The following ATE1 variants were observed in gnomAD, a reference collection of about 807,000 sequenced individuals.
ATE1 encodes arginyl-tRNA--protein transferase 1.
Under a neutral mutation model 70.5 loss-of-function variants are expected in ATE1, and 36 were observed. The ratio of observed to expected loss-of-function variants is 0.51; its 90% CI spans 0.39 to 0.67. ATE1 has a LOEUF of 0.67. Ranked by LOEUF, ATE1 falls within the 30% of genes least tolerant of loss-of-function variation. The probability of loss-of-function intolerance (pLI) is 0.00; values close to 1 mark genes in which losing one functional copy is unlikely to be tolerated. For missense variants in ATE1, 593 were observed against 629.5 expected, an observed-to-expected ratio of 0.94 and a Z score of 0.62; for synonymous variants, 232 against 219.3, an observed-to-expected ratio of 1.06 and a Z score of -0.51.
chr10:121,867,339 T>C (rs890102167), intron 8 of ATE1, among the ~76,000 whole-genome samples: 1 of 152,152 alleles, frequency 6.6e-6, no homozygotes, highest in Non-Finnish European at 1.5e-5. Flanking sequence ...AAAGTGGACG[T>C]CAAGCTCAAG....
chr10:121,784,369 A>G (rs1946121205), intron 11 of ATE1, among the ~76,000 whole-genome samples: 2 of 152,254 alleles, frequency 1.3e-5, no homozygotes, highest in African/African-American at 4.8e-5. Context: ...AAGAAAATGC[A>G]AACAAGTAAA....
chr10:121,898,221 T>A (rs146559651), intron 7 of ATE1, among the ~76,000 whole-genome samples: 3 of 152,202 alleles, frequency 2.0e-5, no homozygotes, highest in Non-Finnish European at 4.4e-5. Context: ...CCCCAACTTA[T>A]AATGGTTGGA....
intron 10 of ATE1, among the ~76,000 whole-genome samples, chr10:121,806,943 G>T (rs558595832): frequency 6.6e-6 from 1 of 152,134 alleles, no homozygotes; most frequent in African/African-American, 2.4e-5. Flanking sequence ...CTACCAGCAT[G>T]CATTTGTGCT....
intron 6 of ATE1, 73 bp downstream of exon 6, chr10:121,902,318 A>G: frequency 7.4e-7 from 1 of 1,343,992 alleles, no homozygotes; most frequent in Non-Finnish European, 1.0e-6. Flanking sequence ...TTAGAACTTC[A>G]AATAAAAATA....
At chr10:121,920,368 T>TAA (rs560498964) in intron 3 of ATE1, among the ~76,000 whole-genome samples, 2 of 150,266 alleles carry the variant, frequency 1.3e-5, no homozygotes, top group Admixed American at 6.7e-5. Context: ...CCCTTTTCTA[T>TAA]AAAAAAAAAT....
chr10:121,793,525 G>T (rs1946536693), intron 10 of ATE1, among the ~76,000 whole-genome samples: 1 of 152,160 alleles, frequency 6.6e-6, no homozygotes, highest in Non-Finnish European at 1.5e-5. Context: ...TCCTTACCAA[G>T]ATAGTATACT....
rs1944168213 is a variant in ATE1 at position 121,742,156 on chromosome 10, T to C, written c.*1524A>G. ...TCGGTTAGCAGAGTACGCAGCACCT[T>C]GGCAGGTGTGACACACACACTCTGA... On this transcript the variant is annotated 3_prime_UTR_variant, in exon 12 of 12. Transcript: ENST00000224652. 6.6e-6 allele frequency: 1 copy of C among 152,230 alleles called. No individual in the cohort carries two copies. 9.4% of individuals were successfully genotyped at this position (152,230 alleles called of 1,614,324 possible).
chr10:121,881,124 G>A (rs953255811), intron 7 of ATE1, among the ~76,000 whole-genome samples: 30 of 152,260 alleles, frequency 2.0e-4, no homozygotes, highest in Non-Finnish European at 2.9e-5. Flanking sequence ...CATGTCACAA[G>A]TTTCAAGAAC....
intron 10 of ATE1, among the ~76,000 whole-genome samples, chr10:121,829,049 T>C (rs139025776): frequency 6.9e-6 from 1 of 145,882 alleles, no homozygotes; most frequent in Non-Finnish European, 1.5e-5. Flanking sequence ...GGCAGAACCC[T>C]CATCTACACT....
At position 121,743,768 on chromosome 10, in the gene ATE1, T is replaced by C. The variant is rs1590192034; in HGVS notation, c.1469A>G (p.Lys490Arg). 1 of 1,614,134 alleles carries C rather than the reference T, an allele frequency of 6.2e-7. No homozygotes were observed. Among genetic ancestry groups the C allele is most frequent in the Non-Finnish European group, 8.5e-7 (1 of 1,180,016 alleles). ...MPYGVYKKQQ[K>R]DPSEEAAVLQ... ...AACAGCAGCCTCCTCACTTGGGTCTTTCTGCTGTTTCTTATAAACACCGTA... is the reference window on the plus strand; with the variant it reads ...AACAGCAGCCTCCTCACTTGGGTCTCTCTGCTGTTTCTTATAAACACCGTA... The change falls in exon 12 of 12, where the codon AAA becomes AGA. Residue 490 changes from lysine to arginine, a missense_variant. By Grantham distance (26) the Lys-to-Arg change is conservative. Coordinates refer to ENST00000224652, the MANE Select transcript of ATE1 (RefSeq NM_001001976.3).
At chr10:121,806,942 T>A (rs1187475241) in intron 10 of ATE1, among the ~76,000 whole-genome samples, 2 of 152,188 alleles carry the variant, frequency 1.3e-5, no homozygotes, top group African/African-American at 4.8e-5. Flanking sequence ...CCTACCAGCA[T>A]GCATTTGTGC....
chr10:121,760,884 G>A (rs548433107), intron 11 of ATE1, among the ~76,000 whole-genome samples: 1 of 152,282 alleles, frequency 6.6e-6, no homozygotes, highest in Non-Finnish European at 1.5e-5. Flanking sequence ...CAGCCACCCT[G>A]CTATAATTCA....
Position 121,842,481 on chromosome 10 carries a change from T to G in ATE1, c.976-1218A>C, listed in dbSNP as rs775280644. ...AAAGCTAGAAGAGAATAAAAAAAAA[T>G]GAGAACAGGTTGAATAACACCAAAA... On this transcript the variant is annotated intron_variant, in intron 8 of 11. Transcript: ENST00000224652. Among the ~76,000 whole-genome samples the G allele has an allele frequency of 1.5e-3, 230 of 150,198 alleles. 1 individual carries two copies. The highest frequency in any genetic ancestry group is 1.6e-3 in the Non-Finnish European group (109 of 67,482).
intron 10 of ATE1, among the ~76,000 whole-genome samples, chr10:121,828,695 A>G (rs1238911360): frequency 6.6e-6 from 1 of 152,194 alleles, no homozygotes; most frequent in Non-Finnish European, 1.5e-5. Context: ...ATGCACAGAC[A>G]GGGATGAGAA....
intron 10 of ATE1, among the ~76,000 whole-genome samples, chr10:121,829,932 A>T (rs999738910): frequency 5.3e-5 from 8 of 152,144 alleles, no homozygotes; most frequent in Admixed American, 1.3e-4. Context: ...CCCCCACTCA[A>T]TCTCAAAAAT....
chr10:121,776,251 C>T (rs988901675), intron 11 of ATE1, among the ~76,000 whole-genome samples: 4 of 152,122 alleles, frequency 2.6e-5, no homozygotes, highest in Non-Finnish European at 4.4e-5. Flanking sequence ...TATTGTGCTA[C>T]CAAATACTAG....
At chr10:121,891,453 C>T (rs1430681981) in intron 7 of ATE1, among the ~76,000 whole-genome samples, 1 of 152,124 alleles carries the variant, frequency 6.6e-6, no homozygotes, top group Non-Finnish European at 1.5e-5. Context: ...GTACAGCTGC[C>T]TGCATTTACA....
chr10:121,747,958 T>C (rs1042542309), intron 11 of ATE1, among the ~76,000 whole-genome samples: 1 of 152,206 alleles, frequency 6.6e-6, no homozygotes, highest in East Asian at 1.9e-4. Context: ...TAAATGTGTC[T>C]AGCAGGAAAA....
intron 8 of ATE1, among the ~76,000 whole-genome samples, chr10:121,856,138 G>T (rs1465704357): frequency 6.6e-6 from 1 of 151,710 alleles, no homozygotes; most frequent in Admixed American, 6.6e-5. Flanking sequence ...GATAAATAAG[G>T]CTAGTTTAAA....
Sources: gnomAD v4.1 joint callset for allele counts (sites outside exome capture counted in the v4.1 genomes callset) on GRCh38, gnomAD v4.1.1 for gene constraint, MANE v1.5 for transcripts, NCBI Gene and HGNC (gene_info 2026-07-23, HGNC 2026-07-21) for gene names.